Variants in TASP1 observed in about 807,000 individuals in gnomAD.
TASP1 encodes threonine aspartase 1.
Under a neutral mutation model 56.6 loss-of-function variants are expected in TASP1, and 16 were observed. The ratio of observed to expected loss-of-function variants is 0.28; its 90% confidence interval spans 0.19 to 0.43. The LOEUF is 0.43. Ranked by LOEUF, TASP1 falls within the 20% of genes least tolerant of loss-of-function variation. The probability of loss-of-function intolerance (pLI) is 1.00; values close to 1 mark genes in which losing one functional copy is unlikely to be tolerated. For missense variants in TASP1, 393 were observed against 511.6 expected (o/e 0.77, Z 2.24); for synonymous variants, 179 against 184.2 (o/e 0.97, Z 0.23).
At chr20:13,446,258 T>G (rs2043407183) in intron 11 of TASP1, among the ~76,000 whole-genome samples, 1 of 152,014 alleles carries the variant, frequency 6.6e-6, no homozygotes, top group South Asian at 2.1e-4. Flanking sequence ...AAGAAATACA[T>G]CTCCACAGAC....
chr20:13,221,795 G>A, the TASP1 span: 1 of 1,453,460 alleles, frequency 6.9e-7, no homozygotes, highest in Non-Finnish European at 9.0e-7. Context: ...CCTGGCGGCC[G>A]AGCTGCTGCT....
At chr20:13,485,068 A>G (rs1310505566) in intron 10 of TASP1, among the ~76,000 whole-genome samples, 2 of 152,178 alleles carry the variant, frequency 1.3e-5, no homozygotes. Flanking sequence ...ACCATGGCAC[A>G]TGTATACCTA....
intron 11 of TASP1, among the ~76,000 whole-genome samples, chr20:13,457,267 T>TAATAAAA (rs1288904910): frequency 6.6e-6 from 1 of 151,852 alleles, no homozygotes; most frequent in Non-Finnish European, 1.5e-5. Context: ...ACTTAAAGTA[T>TAATAAAA]AATAAAAAAT....
intron 11 of TASP1, among the ~76,000 whole-genome samples, chr20:13,450,277 A>G (rs987355684): frequency 2.6e-5 from 4 of 152,100 alleles, no homozygotes; most frequent in African/African-American, 9.7e-5. Context: ...CTGTTGGATC[A>G]GAGTGATGGC....
chr20:13,498,635 T>G (rs2043825260), intron 10 of TASP1, among the ~76,000 whole-genome samples: 1 of 151,678 alleles, frequency 6.6e-6, no homozygotes, highest in Non-Finnish European at 1.5e-5. Flanking sequence ...TGGGCCACCA[T>G]GCCCAGCCTG....
the TASP1 span, among the ~76,000 whole-genome samples, chr20:13,198,542 T>C: frequency 6.6e-6 from 1 of 151,992 alleles, no homozygotes; most frequent in Non-Finnish European, 1.5e-5. Flanking sequence ...AAACATTCAG[T>C]CCACTGCAAA....
the TASP1 span, among the ~76,000 whole-genome samples, chr20:13,140,614 G>T: frequency 6.6e-6 from 1 of 151,978 alleles, no homozygotes; most frequent in Non-Finnish European, 1.5e-5. Flanking sequence ...GTTCACACCA[G>T]ATAATTCATT....
chr20:13,321,278 A>AAAAAATT, the TASP1 span, among the ~76,000 whole-genome samples: 1 of 137,182 alleles, frequency 7.3e-6, no homozygotes, highest in African/African-American at 2.6e-5. Context: ...AAAAAAAAAG[A>AAAAAATT]TTTTATGACA....
intron 13 of TASP1, among the ~76,000 whole-genome samples, chr20:13,403,925 T>C (rs2041828670): frequency 6.6e-6 from 1 of 152,150 alleles, no homozygotes; most frequent in Non-Finnish European, 1.5e-5. Context: ...GCTAATATCA[T>C]TTTTAAGACT....
At chr20:13,572,682 T>C (rs1206318275) in intron 6 of TASP1, among the ~76,000 whole-genome samples, 2 of 44,032 alleles carry the variant, frequency 4.5e-5, no homozygotes, top group African/African-American at 1.8e-4. Context: ...TGAGACTCCA[T>C]CTCAAAAAAA....
At chr20:13,629,255 TCAAGAGG>T (rs1304870608) in intron 2 of TASP1, among the ~76,000 whole-genome samples, 1 of 150,008 alleles carries the variant, frequency 6.7e-6, no homozygotes, top group Non-Finnish European at 1.5e-5. Context: ...TCCCAGCTAC[TCAAGAGG>T]CTGAGGCAGG....
In TASP1 at chr20:13,635,387, C is replaced by CTT. The variant is rs34767488; in HGVS notation, c.-75+3505_-75+3506dup. 2.3e-3 allele frequency among the ~76,000 whole-genome samples: 300 copies of CTT among 129,258 alleles called. 2 individuals carry two copies. Among genetic ancestry groups the CTT allele is most frequent in the African/African-American group, 3.3e-3 (111 of 33,760 alleles). 84.8% of individuals were successfully genotyped at this position (129,258 alleles called of 152,430 possible). On this transcript the variant is annotated intron_variant, in intron 1 of 13. Transcript: ENST00000337743. ...CTGCAAATGTTTCCTTCAGCAATTT[C>CTT]TTTTTTTTTTTTTTTTTTGAGACAC...
chr20:13,569,750 GA>G (rs2046651833), intron 6 of TASP1, among the ~76,000 whole-genome samples, 164 bp from the exon 7 acceptor site: 1 of 151,980 alleles, frequency 6.6e-6, no homozygotes, highest in Non-Finnish European at 1.5e-5. Context: ...AAAAATTCCT[GA>G]AAATTTTTCT....
downstream of TASP1, among the ~76,000 whole-genome samples, chr20:13,385,431 C>T (rs2041156879): frequency 6.6e-6 from 1 of 152,254 alleles, no homozygotes; most frequent in African/African-American, 2.4e-5. Flanking sequence ...AGCCTTATCA[C>T]TCGGAGAATG....
intron 11 of TASP1, among the ~76,000 whole-genome samples, chr20:13,444,627 T>C (rs1405257650): frequency 2.0e-5 from 3 of 152,218 alleles, no homozygotes; most frequent in Non-Finnish European, 4.4e-5. Flanking sequence ...TCTCTTAAGA[T>C]GCACTTAAGT....
At chr20:13,247,065 G>A in the TASP1 span, among the ~76,000 whole-genome samples, 6 of 152,084 alleles carry the variant, frequency 3.9e-5, no homozygotes, top group East Asian at 1.9e-4. Context: ...GTGAAACCCC[G>A]TCTCTACTGA....
At chr20:13,589,769 A>T (rs943543651) in intron 4 of TASP1, among the ~76,000 whole-genome samples, 2 of 152,202 alleles carry the variant, frequency 1.3e-5, no homozygotes, top group African/African-American at 2.4e-5. Context: ...AAACAAAAAG[A>T]TGACACAATT....
the TASP1 span, among the ~76,000 whole-genome samples, chr20:13,222,492 G>A: frequency 3.3e-5 from 5 of 151,994 alleles, no homozygotes; most frequent in Admixed American, 3.3e-4. Flanking sequence ...CTCGCCTGAG[G>A]TTCCCCCCTC....
At chr20:13,147,628 A>G in the TASP1 span, among the ~76,000 whole-genome samples, 1 of 152,122 alleles carries the variant, frequency 6.6e-6, no homozygotes, top group African/African-American at 2.4e-5. Flanking sequence ...CTTTAATATC[A>G]ATTTGATTTT....
Sources: gnomAD v4.1 joint callset for allele counts (sites outside exome capture counted in the v4.1 genomes callset) on GRCh38, gnomAD v4.1.1 for gene constraint, MANE v1.5 for transcripts, NCBI Gene and HGNC (gene_info 2026-07-23, HGNC 2026-07-21) for gene names.